Variants in LINGO2 observed in about 807,000 individuals in gnomAD.
LINGO2 encodes leucine rich repeat and Ig domain containing 2.
Under a neutral mutation model 30.6 loss-of-function variants are expected in LINGO2, and 14 were observed. The ratio of observed to expected loss-of-function variants is 0.46; its 90% CI spans 0.30 to 0.72. The LOEUF is 0.72. Ranked by LOEUF, LINGO2 falls within the 30% of genes least tolerant of loss-of-function variation. The pLI is 0.07. For missense variants in LINGO2, 729 were observed against 751.7 expected, an observed-to-expected ratio of 0.97 and a Z score of 0.35; for synonymous variants, 317 against 288.5, an observed-to-expected ratio of 1.10 and a Z score of -1.00.
chr9:27,968,762 T>A (rs1563865722), intron 5 of LINGO2, among the ~76,000 whole-genome samples: 1 of 151,858 alleles, frequency 6.6e-6, no homozygotes, highest in Non-Finnish European at 1.5e-5. Context: ...GTCAATTAAT[T>A]AGCCACATTA....
chr9:28,301,261 T>G (rs757375332), intron 3 of LINGO2, among the ~76,000 whole-genome samples: 1 of 152,088 alleles, frequency 6.6e-6, no homozygotes, highest in African/African-American at 2.4e-5. Flanking sequence ...TGGCCACCAG[T>G]TTGAGATCCT....
At chr9:28,499,246 G>A (rs1819787233) in intron 1 of LINGO2, among the ~76,000 whole-genome samples, 1 of 152,150 alleles carries the variant, frequency 6.6e-6, no homozygotes, top group South Asian at 2.1e-4. Context: ...TGTTTTCTGA[G>A]GCACTCAAAG....
intron 3 of LINGO2, among the ~76,000 whole-genome samples, chr9:28,306,643 G>A (rs1388776188): frequency 6.6e-6 from 1 of 152,126 alleles, no homozygotes; most frequent in African/African-American, 2.4e-5. Flanking sequence ...TCCAGGAGCT[G>A]GTTTTTTGAA....
chr9:28,016,554 C>T (rs1822847971), intron 4 of LINGO2, among the ~76,000 whole-genome samples: 1 of 151,894 alleles, frequency 6.6e-6, no homozygotes, highest in Non-Finnish European at 1.5e-5. Context: ...ACTATGAACA[C>T]CTCTATGCAC....
chr9:28,807,039 T>C, the LINGO2 span, among the ~76,000 whole-genome samples: 5 of 151,658 alleles, frequency 3.3e-5, no homozygotes, highest in Admixed American at 1.3e-4. Flanking sequence ...ATTATTATTA[T>C]TTTGAGACAG....
chr9:28,040,578 C>G (rs933643109), intron 4 of LINGO2, among the ~76,000 whole-genome samples: 3 of 152,000 alleles, frequency 2.0e-5, no homozygotes, highest in African/African-American at 7.2e-5. Flanking sequence ...TATAATAAAT[C>G]CATTGTTCCA....
chr9:28,470,678 G>T (rs1825483738), intron 2 of LINGO2, among the ~76,000 whole-genome samples: 1 of 152,048 alleles, frequency 6.6e-6, no homozygotes, highest in Non-Finnish European at 1.5e-5. Flanking sequence ...TCGCCATTCA[G>T]CTGTGATTCT....
intron 5 of LINGO2, among the ~76,000 whole-genome samples, chr9:28,004,917 G>A (rs1204156305): frequency 6.6e-6 from 1 of 152,078 alleles, no homozygotes; most frequent in African/African-American, 2.4e-5. Context: ...TGTTTTTATC[G>A]ATATGATTTT....
At chr9:28,247,607 C>G (rs1423498072) in intron 4 of LINGO2, among the ~76,000 whole-genome samples, 1 of 151,958 alleles carries the variant, frequency 6.6e-6, no homozygotes, top group South Asian at 2.1e-4. Context: ...AGGGAAGGGA[C>G]AAAGTGGGGG....
the LINGO2 span, among the ~76,000 whole-genome samples, chr9:29,207,875 C>T: frequency 6.6e-6 from 1 of 151,996 alleles, no homozygotes; most frequent in African/African-American, 2.4e-5. Context: ...ATAATAAGAG[C>T]ACATAATTAT....
At chr9:28,279,990 G>A (rs966694164) in intron 4 of LINGO2, among the ~76,000 whole-genome samples, 2 of 152,022 alleles carry the variant, frequency 1.3e-5, no homozygotes, top group African/African-American at 4.8e-5. Context: ...AGTTATCTTA[G>A]GACAGTCGAA....
intron 3 of LINGO2, among the ~76,000 whole-genome samples, chr9:28,354,287 T>G (rs1056546969): frequency 2.6e-5 from 4 of 152,216 alleles, no homozygotes; most frequent in Non-Finnish European, 5.9e-5. Flanking sequence ...TGTACTATGT[T>G]GCGGTTCATT....
intron 4 of LINGO2, among the ~76,000 whole-genome samples, chr9:28,238,957 T>TATCC (rs1478757794): frequency 2.5e-4 from 37 of 150,874 alleles, no homozygotes; most frequent in African/African-American, 9.0e-4. Flanking sequence ...AAAAAAGGAG[T>TATCC]AATTACAATG....
intron 1 of LINGO2, among the ~76,000 whole-genome samples, chr9:28,643,748 A>C (rs2135944000): frequency 6.6e-6 from 1 of 152,206 alleles, no homozygotes; most frequent in Middle Eastern, 3.4e-3. Flanking sequence ...TAAAGAGACA[A>C]CCCACAGAAT....
chr9:28,505,542 C>T (rs542546379), intron 1 of LINGO2, among the ~76,000 whole-genome samples: 1 of 151,814 alleles, frequency 6.6e-6, no homozygotes, highest in Non-Finnish European at 1.5e-5. Context: ...TGCTATAAGA[C>T]AATTCATATC....
chr9:28,546,378 T>A (rs910250403), intron 1 of LINGO2, among the ~76,000 whole-genome samples: 1 of 152,098 alleles, frequency 6.6e-6, no homozygotes, highest in Non-Finnish European at 1.5e-5. Context: ...AGATGAAGGA[T>A]AAACAGCCAT....
the LINGO2 span, among the ~76,000 whole-genome samples, chr9:29,091,961 T>C: frequency 6.6e-6 from 1 of 152,044 alleles, no homozygotes; most frequent in African/African-American, 2.4e-5. Flanking sequence ...ACTGATTATA[T>C]GTGGTCCTAA....
the LINGO2 span, among the ~76,000 whole-genome samples, chr9:28,947,593 T>C: frequency 6.6e-6 from 1 of 151,990 alleles, no homozygotes; most frequent in Non-Finnish European, 1.5e-5. Flanking sequence ...TGCAAAATAA[T>C]AGACTTTTTG....
intron 3 of LINGO2, among the ~76,000 whole-genome samples, chr9:28,317,677 A>G (rs1587457253): frequency 6.6e-6 from 1 of 152,254 alleles, no homozygotes; most frequent in East Asian, 1.9e-4. Context: ...CGTTCATTCT[A>G]TTTGCTTTCT....
Sources: allele counts gnomAD v4.1 joint callset (sites outside exome capture counted in the v4.1 genomes callset), GRCh38; gene constraint gnomAD v4.1.1; transcripts MANE v1.5; gene names NCBI Gene and HGNC (gene_info 2026-07-23, HGNC 2026-07-21).